The following USP37 variants were observed in gnomAD, a reference collection of about 807,000 sequenced individuals.
USP37 encodes the protein ubiquitin specific peptidase 37, also known as ubiquitin carboxyl-terminal hydrolase 37.
USP37 carries 27 observed loss-of-function variants against 124.0 expected under a neutral mutation model. The observed-to-expected ratio is 0.22, with a 90% confidence interval of 0.16 to 0.30. USP37 has a LOEUF of 0.30. Ranked by LOEUF, USP37 falls within the 10% of genes least tolerant of loss-of-function variation. The probability of loss-of-function intolerance (pLI) is 1.00; values close to 1 mark genes in which losing one functional copy is unlikely to be tolerated. For synonymous variants in USP37, 365 were observed against 388.0 expected, an observed-to-expected ratio of 0.94 and a Z score of 0.70; for missense variants, 889 against 1,140.4, an observed-to-expected ratio of 0.78 and a Z score of 3.17.
chr2:218,479,603 C>T, intron 18 of USP37, 47 bp downstream of exon 18: 1 of 1,551,398 alleles, frequency 6.4e-7, no homozygotes, highest in East Asian at 2.3e-5. Context: ...TTAGGGTAAG[C>T]CAAAACCTTA....
At chr2:218,544,430 T>TATAGAGAGAGAG (rs377397246) in intron 8 of USP37, among the ~76,000 whole-genome samples, 32 of 50,810 alleles carry the variant, frequency 6.3e-4, no homozygotes, top group African/African-American at 2.8e-3. Context: ...TATATATATA[T>TATAGAGAGAGAG]AGAGAGAGAG....
At chr2:218,521,010 G>T (rs1038840976) in intron 10 of USP37, among the ~76,000 whole-genome samples, 18 of 152,110 alleles carry the variant, frequency 1.2e-4, no homozygotes, top group African/African-American at 4.3e-4. Context: ...CTGTTCTCCT[G>T]ATAGAGTCCT....
chr2:218,462,209 C>T (rs1690049668), intron 22 of USP37, among the ~76,000 whole-genome samples: 1 of 151,918 alleles, frequency 6.6e-6, no homozygotes, highest in Admixed American at 6.6e-5. Flanking sequence ...GTGGTGCACG[C>T]CTATAGTCCC....
intron 5 of USP37, among the ~76,000 whole-genome samples, chr2:218,551,979 A>T (rs894620519): frequency 6.6e-6 from 1 of 152,062 alleles, no homozygotes; most frequent in African/African-American, 2.4e-5. Context: ...TTTTTAGTAG[A>T]GATGGGGTTT....
intron 1 of USP37, among the ~76,000 whole-genome samples, chr2:218,565,142 C>G (rs969177609): frequency 1.4e-4 from 22 of 152,284 alleles, no homozygotes; most frequent in African/African-American, 4.8e-4. Context: ...AGGCTGGTAT[C>G]GAACTCCGGG....
intron 22 of USP37, 131 bp downstream of exon 22, chr2:218,463,173 TAA>T (rs1690111687): frequency 1.4e-6 from 1 of 730,298 alleles, no homozygotes; most frequent in Admixed American, 3.1e-5. Context: ...TCCCCCACAA[TAA>T]ACACACACAC....
intron 10 of USP37, among the ~76,000 whole-genome samples, chr2:218,517,721 A>C (rs1690376265): frequency 6.6e-6 from 1 of 152,214 alleles, no homozygotes; most frequent in South Asian, 2.1e-4. Context: ...CTTGGTATTC[A>C]TTAGGCTTCT....
intron 8 of USP37, among the ~76,000 whole-genome samples, chr2:218,538,420 A>C (rs1442973537): frequency 6.6e-6 from 1 of 152,214 alleles, no homozygotes; most frequent in African/African-American, 2.4e-5. Context: ...GACTTATGGG[A>C]GTATGTACAA....
chr2:218,469,514 C>T (rs1300503299), intron 20 of USP37, among the ~76,000 whole-genome samples: 2 of 152,052 alleles, frequency 1.3e-5, no homozygotes, highest in African/African-American at 4.8e-5. Flanking sequence ...ATTATCAAAA[C>T]GTACTCAAAA....
At chr2:218,456,258 G>C (rs1331908265) in intron 24 of USP37, among the ~76,000 whole-genome samples, 1 of 151,964 alleles carries the variant, frequency 6.6e-6, no homozygotes, top group African/African-American at 2.4e-5. Flanking sequence ...AAACCAGCTT[G>C]GGCAACAAAG....
chr2:218,454,934 A>C lies in USP37; in HGVS notation c.2936T>G (p.Leu979Trp), dbSNP rs6436058. ...GCCAACCCAGGAGTTTGTTCCTCAC[A>C]AGGCCTGACGGGTAGTCTTCCCCAC... ...TEVGKTTRQA[L>W] Residue 979 changes from leucine to tryptophan, a missense_variant, in exon 26 of 26, where the codon TTG (leucine) becomes TGG (tryptophan). This residue lies in a region of USP37 where 504 missense variants were observed against 714.3 expected (regional missense o/e 0.71). Coordinates refer to ENST00000258399, the MANE Select transcript of USP37 (RefSeq NM_020935.3). 1.2e-6 allele frequency: 2 copies of C among 1,614,084 alleles called. No homozygotes were observed. The highest frequency in any genetic ancestry group is 2.2e-5 in the South Asian group (2 of 91,078).
At chr2:218,511,926 C>T (rs1186271289) in intron 10 of USP37, among the ~76,000 whole-genome samples, 1 of 151,438 alleles carries the variant, frequency 6.6e-6, no homozygotes, top group Non-Finnish European at 1.5e-5. Flanking sequence ...TTTTGCTTTC[C>T]CTTCTATTTA....
chr2:218,474,958 T>C, intron 19 of USP37, 73 bp from the exon 20 acceptor site: 2 of 1,460,202 alleles, frequency 1.4e-6, no homozygotes, highest in Non-Finnish European at 1.8e-6. Context: ...GTATTTAAAG[T>C]AGCAACTTTA....
chr2:218,462,420 A>G (rs1443326282), intron 22 of USP37, among the ~76,000 whole-genome samples: 1 of 152,194 alleles, frequency 6.6e-6, no homozygotes, highest in African/African-American at 2.4e-5. Context: ...AAGATTAGGT[A>G]AAAGCTGTTT....
chr2:218,554,369 ATATAGT>A (rs1189627857), intron 4 of USP37, among the ~76,000 whole-genome samples: 1 of 152,208 alleles, frequency 6.6e-6, no homozygotes, highest in African/African-American at 2.4e-5. Flanking sequence ...TTATTTTCAG[ATATAGT>A]TATAGAGGAT....
chr2:218,493,704 C>G (rs1397134628), intron 14 of USP37, among the ~76,000 whole-genome samples: 2 of 152,134 alleles, frequency 1.3e-5, no homozygotes, highest in Non-Finnish European at 2.9e-5. Flanking sequence ...CTCCTGACCT[C>G]AGGTGATCCA....
chr2:218,471,062 T>C (rs778478263), intron 20 of USP37, among the ~76,000 whole-genome samples: 18 of 152,188 alleles, frequency 1.2e-4, no homozygotes, highest in Non-Finnish European at 1.9e-4. Context: ...AACTGACTAG[T>C]AGCATTTAGT....
chr2:218,460,810 G>A (rs148646697), intron 22 of USP37, among the ~76,000 whole-genome samples: 37 of 152,002 alleles, frequency 2.4e-4, no homozygotes, highest in Non-Finnish European at 3.2e-4. Flanking sequence ...GTGTGGTGGC[G>A]CACACCAGTA....
Position 218,455,006 on chromosome 2 carries a change from T to A in USP37, c.2864A>T (p.Asp955Val), listed in dbSNP as rs1269097478. 1 of 1,613,826 alleles carries A rather than the reference T, an allele frequency of 6.2e-7. No homozygotes were observed. The highest frequency in any genetic ancestry group is 8.5e-7 in the Non-Finnish European group (1 of 1,180,010). Residue 955 changes from aspartate (D) to valine (V), a missense_variant, in exon 26 of 26, where the codon GAT (aspartate) becomes GTT (valine). By Grantham distance (152) the Asp-to-Val change is radical. Around this residue, in one of 3 missense-constraint regions of USP37, gnomAD observed 504 missense variants for 714.3 expected, o/e 0.71. Coordinates refer to ENST00000258399, the MANE Select transcript of USP37 (RefSeq NM_020935.3). Reference sequence around the variant, plus strand: ...GTTCTTTTCTGTTTCCAGCAGCTCATCAAAGATCTCCCTTAAGATAAAACA... The same window carrying A: ...GTTCTTTTCTGTTTCCAGCAGCTCAACAAAGATCTCCCTTAAGATAAAACA... The part of the protein sequence containing the change: ...IFFYMHKEIF[D>V]ELLETEKNSQ...
Sources: allele counts gnomAD v4.1 joint callset (sites outside exome capture counted in the v4.1 genomes callset), GRCh38; gene constraint gnomAD v4.1.1; regional missense constraint gnomAD v4.1.1; transcripts MANE v1.5; gene names NCBI Gene and HGNC (gene_info 2026-07-23, HGNC 2026-07-21).